Variants in CRACDL observed in about 807,000 individuals in gnomAD.
The protein encoded by CRACDL is CRACD like.
A neutral mutation model predicts 70.6 loss-of-function variants in CRACDL; 26 were observed. That is an observed-to-expected ratio of 0.37 (90% CI 0.27 to 0.51). The LOEUF (loss-of-function observed/expected upper bound fraction) is 0.51. Among genes scored for constraint, CRACDL ranks in the 20% least tolerant of loss-of-function variants. The probability of loss-of-function intolerance (pLI) is 0.94; values close to 1 mark genes in which losing one functional copy is unlikely to be tolerated. For missense variants in CRACDL, 1,283 were observed against 1,376.9 expected (o/e 0.93, Z 1.08); for synonymous variants, 618 against 615.2 (o/e 1.00, Z -0.07).
chr2:98,935,605 C>T (rs902646463), intron 1 of CRACDL, among the ~76,000 whole-genome samples: 11 of 152,162 alleles, frequency 7.2e-5, no homozygotes, highest in African/African-American at 2.7e-4. Flanking sequence ...CAATTTCAAC[C>T]GAGCAGGACC....
intron 1 of CRACDL, among the ~76,000 whole-genome samples, chr2:98,900,070 G>C (rs867999199): frequency 3.5e-4 from 44 of 127,168 alleles, no homozygotes; most frequent in African/African-American, 5.0e-4. Context: ...TAGGAGGGGA[G>C]GCAGATGGAC....
At chr2:98,867,393 C>T (rs1195286105) in intron 1 of CRACDL, among the ~76,000 whole-genome samples, 2 of 152,176 alleles carry the variant, frequency 1.3e-5, no homozygotes, top group Admixed American at 6.5e-5. Context: ...CCTAAGCCTG[C>T]ACGAACACCC....
chr2:98,881,772 C>T (rs1707658781), intron 1 of CRACDL, among the ~76,000 whole-genome samples: 1 of 152,298 alleles, frequency 6.6e-6, no homozygotes, highest in Non-Finnish European at 1.5e-5. Context: ...GGTCTGTGAC[C>T]TGGTGTGGAA....
At chr2:98,876,371 A>G (rs2104607048) in intron 1 of CRACDL, among the ~76,000 whole-genome samples, 1 of 152,292 alleles carries the variant, frequency 6.6e-6, no homozygotes, top group Non-Finnish European at 1.5e-5. Context: ...GTGGACTGGT[A>G]CCAGACCGTG....
At chr2:98,795,077 A>ATATATATATATATTTTTTTTTTTTTT in intron 9 of CRACDL, among the ~76,000 whole-genome samples, 4 of 58,498 alleles carry the variant, frequency 6.8e-5, no homozygotes, top group Non-Finnish European at 1.2e-4. Context: ...ATATATATAT[A>ATATATATATATATTTTTTTTTTTTTT]TTTTTTTTTT....
At chr2:98,915,674 G>A (rs1199687239) in intron 1 of CRACDL, among the ~76,000 whole-genome samples, 3 of 152,172 alleles carry the variant, frequency 2.0e-5, no homozygotes, top group Non-Finnish European at 2.9e-5. Flanking sequence ...GCCTGCTGGG[G>A]GTGGGGGAAA....
At chr2:98,909,836 C>T (rs1453136050) in intron 1 of CRACDL, among the ~76,000 whole-genome samples, 1 of 152,176 alleles carries the variant, frequency 6.6e-6, no homozygotes, top group African/African-American at 2.4e-5. Context: ...GGTACAAAGC[C>T]CATAAGTGAG....
chr2:98,811,140 G>A (rs994546954), intron 7 of CRACDL, among the ~76,000 whole-genome samples: 12 of 152,180 alleles, frequency 7.9e-5, no homozygotes, highest in East Asian at 1.9e-4. Context: ...CTGGTGGTGC[G>A]GTTCCCCCTG....
At chr2:98,845,260 A>T (rs1472555209) in intron 2 of CRACDL, among the ~76,000 whole-genome samples, 10 of 148,464 alleles carry the variant, frequency 6.7e-5, no homozygotes, top group African/African-American at 2.5e-4. Flanking sequence ...GCAGTGGCAT[A>T]ATCATGGCCC....
At chr2:98,926,737 C>T (rs1461306860) in intron 1 of CRACDL, among the ~76,000 whole-genome samples, 1 of 152,202 alleles carries the variant, frequency 6.6e-6, no homozygotes, top group Non-Finnish European at 1.5e-5. Context: ...TGTTCATAAA[C>T]CGAATGCGAA....
intron 5 of CRACDL, among the ~76,000 whole-genome samples, chr2:98,829,124 A>C (rs994296465): frequency 2.0e-5 from 3 of 152,254 alleles, no homozygotes; most frequent in Non-Finnish European, 4.4e-5. Flanking sequence ...TGTGACAATA[A>C]TACCCCTGAC....
chr2:98,894,176 C>T (rs1026815105), intron 1 of CRACDL, among the ~76,000 whole-genome samples: 1 of 152,246 alleles, frequency 6.6e-6, no homozygotes. Flanking sequence ...ATTCAAGACA[C>T]TTCTTTCCAA....
At chr2:98,931,122 C>T (rs923666930) in intron 1 of CRACDL, among the ~76,000 whole-genome samples, 3 of 152,066 alleles carry the variant, frequency 2.0e-5, no homozygotes, top group Non-Finnish European at 4.4e-5. Flanking sequence ...GTCAGGAGAT[C>T]GAGACCAGCC....
At chr2:98,815,921 G>C (rs1704765498) in intron 7 of CRACDL, among the ~76,000 whole-genome samples, 1 of 152,214 alleles carries the variant, frequency 6.6e-6, no homozygotes, top group African/African-American at 2.4e-5. Context: ...ATAGGGATGA[G>C]AGAATAGAAA....
chr2:98,899,468 C>A (rs1036224421), intron 1 of CRACDL, among the ~76,000 whole-genome samples: 7 of 152,202 alleles, frequency 4.6e-5, no homozygotes, highest in African/African-American at 1.7e-4. Flanking sequence ...ACAGCCCAGA[C>A]GCTGTGATCC....
intron 1 of CRACDL, among the ~76,000 whole-genome samples, chr2:98,922,076 T>G (rs1708816804): frequency 6.6e-6 from 1 of 152,244 alleles, no homozygotes; most frequent in Non-Finnish European, 1.5e-5. Context: ...TTCTTCTTTT[T>G]TGATTTCTTT....
rs1402595911 is a variant in CRACDL, at chr2:98,822,857, C to T, written c.1416G>A (p.Ala472=). 3.4e-6 allele frequency: 5 copies of T among 1,460,444 alleles called. No individual in the cohort carries two copies. In the South Asian group the frequency reaches 4.2e-5, roughly 12 times the overall value. 90.5% of individuals were successfully genotyped at this position (1,460,444 alleles called of 1,614,324 possible). The change falls in exon 7 of 10, where the codon GCG becomes GCA. Residue 472 remains alanine (A), a synonymous_variant. Transcript: ENST00000397899. The surrounding 1 kb of genome is among the most constrained non-coding windows in gnomAD (Gnocchi z 4.9). The part of the protein sequence containing the change: ...REAETEPERG[A]GTEPERIGTE... The stretch of plus-strand genomic sequence containing the variant: ...TCCCAATTCTCTCGGGCTCGGTCCC[C>T]GCTCCTCTCTCGGGCTCCGTCTCCG...
At chr2:98,910,601 C>T (rs915405145) in intron 1 of CRACDL, among the ~76,000 whole-genome samples, 1 of 152,050 alleles carries the variant, frequency 6.6e-6, no homozygotes, top group Non-Finnish European at 1.5e-5. Context: ...TTTTGAGGAT[C>T]CCCCAAAACC....
chr2:98,873,643 A>G (rs1391615377), intron 1 of CRACDL, among the ~76,000 whole-genome samples: 2 of 152,242 alleles, frequency 1.3e-5, no homozygotes, highest in Non-Finnish European at 2.9e-5. Flanking sequence ...TCACCCACTC[A>G]TGGGGATTTA....
Sources: gnomAD v4.1 joint callset for allele counts (sites outside exome capture counted in the v4.1 genomes callset) on GRCh38, gnomAD v4.1.1 for gene constraint, Gnocchi (gnomAD v3.1) non-coding constraint, MANE v1.5 for transcripts, NCBI Gene and HGNC (gene_info 2026-07-23, HGNC 2026-07-21) for gene names.